LRP1B: variants seen among roughly 807,000 people sequenced by gnomAD.
LRP1B encodes LDL receptor related protein 1B.
In LRP1B, 217 loss-of-function variants were observed where a neutral mutation model predicts 556.6. The observed-to-expected ratio is 0.39, with a 90% CI of 0.35 to 0.44. The LOEUF (loss-of-function observed/expected upper bound fraction) is 0.44, where lower values mean the gene tolerates loss of function less well. Among genes scored for constraint, LRP1B ranks in the 20% least tolerant of loss-of-function variants. The pLI, the probability that LRP1B is intolerant of heterozygous loss-of-function variation, is 1.00. For synonymous variants in LRP1B, 2,047 were observed against 1,865.8 expected, an observed-to-expected ratio of 1.10 and a Z score of -2.50; for missense variants, 5,053 against 5,620.8, an observed-to-expected ratio of 0.90 and a Z score of 3.23.
intron 18 of LRP1B, among the ~76,000 whole-genome samples, chr2:140,953,280 G>A (rs900667160): frequency 4.6e-5 from 7 of 151,946 alleles, no homozygotes; most frequent in African/African-American, 9.7e-5. Context: ...TAGTAGAGAC[G>A]GTGTTTCACC....
At chr2:140,370,989 T>C (rs1677797214) in intron 70 of LRP1B, 147 bp from the exon 71 acceptor site, 4 of 989,046 alleles carry the variant, frequency 4.0e-6, no homozygotes, top group African/African-American at 3.3e-5. Context: ...CTTCTACAAA[T>C]GAGAATGAGC....
intron 18 of LRP1B, among the ~76,000 whole-genome samples, chr2:140,978,275 T>C (rs967686183): frequency 8.5e-5 from 13 of 152,176 alleles, no homozygotes; most frequent in African/African-American, 3.1e-4. Context: ...TGACCCTCAG[T>C]TGTAGCACCT....
intron 7 of LRP1B, among the ~76,000 whole-genome samples, chr2:141,169,938 A>G (rs1207161487): frequency 6.6e-6 from 1 of 152,050 alleles, no homozygotes; most frequent in Non-Finnish European, 1.5e-5. Flanking sequence ...CAGTTTGTAA[A>G]TATGCCCACA....
At position 141,251,498 on chromosome 2, in the gene LRP1B, T is replaced by C. The variant is rs139143980; in HGVS notation, c.463+3024A>G. ...GTTGTGAGTATTTCTAGTTTTGTTT[T>C]TGTTTTCTTTCAGCATAAAACAAAT... On this transcript the variant is annotated intron_variant, in intron 4 of 90. Transcript: ENST00000389484. 3.7e-3 allele frequency among the ~76,000 whole-genome samples: 566 copies of C among 152,288 alleles called. 3 individuals carry two copies. Among genetic ancestry groups the C allele is most frequent in the Admixed American group, 7.0e-3 (107 of 15,272 alleles).
chr2:140,725,552 G>A (rs1234376537), intron 35 of LRP1B, among the ~76,000 whole-genome samples: 1 of 124,772 alleles, frequency 8.0e-6, no homozygotes, highest in Non-Finnish European at 1.7e-5. Context: ...GGGGGAGGGG[G>A]GAGGGATAGC....
At chr2:140,511,632 C>T (rs1310872396) in intron 51 of LRP1B, among the ~76,000 whole-genome samples, 3 of 152,156 alleles carry the variant, frequency 2.0e-5, no homozygotes, top group African/African-American at 7.2e-5. Context: ...ATAAACATAC[C>T]TGTCCTTGAC....
chr2:140,663,495 G>A (rs994328916), intron 41 of LRP1B, among the ~76,000 whole-genome samples: 2 of 152,152 alleles, frequency 1.3e-5, no homozygotes, highest in African/African-American at 4.8e-5. Context: ...GTATGGAGAC[G>A]GCTTCTGTTC....
chr2:142,116,330 A>G (rs1707275627), intron 1 of LRP1B, among the ~76,000 whole-genome samples: 1 of 152,080 alleles, frequency 6.6e-6, no homozygotes, highest in South Asian at 2.1e-4. Flanking sequence ...CTTTGTGACA[A>G]GAATGCATAA....
At chr2:140,429,673 G>T (rs1685831666) in intron 66 of LRP1B, among the ~76,000 whole-genome samples, 1 of 152,024 alleles carries the variant, frequency 6.6e-6, no homozygotes, top group Non-Finnish European at 1.5e-5. Flanking sequence ...TCCTTCCTAG[G>T]CATGGTTAGT....
chr2:141,596,116 CT>C (rs956209715), intron 2 of LRP1B, among the ~76,000 whole-genome samples: 16 of 151,586 alleles, frequency 1.1e-4, no homozygotes, highest in African/African-American at 3.9e-4. Context: ...CATGGCAAAC[CT>C]TTTGTTTATA....
intron 1 of LRP1B, among the ~76,000 whole-genome samples, chr2:141,929,523 T>C (rs1358083699): frequency 1.3e-5 from 2 of 152,066 alleles, no homozygotes; most frequent in African/African-American, 4.8e-5. Context: ...AGGTATGCAT[T>C]TCCTCAGTCC....
At chr2:141,111,781 T>G (rs1700757694) in intron 7 of LRP1B, among the ~76,000 whole-genome samples, 2 of 152,102 alleles carry the variant, frequency 1.3e-5, no homozygotes, top group Non-Finnish European at 2.9e-5. Context: ...CCGGTAGTGG[T>G]GGCTCACGCC....
chr2:140,512,208 A>C (rs1480728272), intron 51 of LRP1B, among the ~76,000 whole-genome samples: 2 of 152,202 alleles, frequency 1.3e-5, no homozygotes, highest in Non-Finnish European at 2.9e-5. Flanking sequence ...GATGGGTATG[A>C]CTAGATCATT....
chr2:141,798,858 G>A (rs1408957556), intron 2 of LRP1B, among the ~76,000 whole-genome samples: 1 of 152,020 alleles, frequency 6.6e-6, no homozygotes, highest in South Asian at 2.1e-4. Flanking sequence ...GGGTTTTAAG[G>A]AGGTAATTAA....
intron 7 of LRP1B, among the ~76,000 whole-genome samples, chr2:141,152,306 C>A (rs796690692): frequency 3.9e-5 from 6 of 151,964 alleles, no homozygotes; most frequent in African/African-American, 1.4e-4. Context: ...CATTTCGGGA[C>A]AATAACTAGG....
chr2:140,543,781 C>G (rs1316534838), intron 43 of LRP1B, among the ~76,000 whole-genome samples: 1 of 151,848 alleles, frequency 6.6e-6, no homozygotes, highest in Non-Finnish European at 1.5e-5. Context: ...AAACATTTAA[C>G]AGAATCTACA....
chr2:140,369,931 T>C (rs905029499), intron 71 of LRP1B, among the ~76,000 whole-genome samples: 2 of 151,962 alleles, frequency 1.3e-5, no homozygotes, highest in Non-Finnish European at 2.9e-5. Flanking sequence ...GTAAAATCTA[T>C]TGAGAGACTT....
At chr2:141,274,808 CA>C (rs1462170671) in intron 3 of LRP1B, among the ~76,000 whole-genome samples, 34 of 152,220 alleles carry the variant, frequency 2.2e-4, no homozygotes, top group Admixed American at 4.6e-4. Flanking sequence ...ATTTAGAAAG[CA>C]GTTAAGTACT....
intron 52 of LRP1B, among the ~76,000 whole-genome samples, chr2:140,508,508 C>A (rs527766184): frequency 1.1e-4 from 17 of 152,144 alleles, no homozygotes; most frequent in African/African-American, 3.9e-4. Context: ...AAAATATAAT[C>A]AGGCATAATT....
Sources: gnomAD v4.1 joint callset for allele counts (sites outside exome capture counted in the v4.1 genomes callset) on GRCh38, gnomAD v4.1.1 for gene constraint, MANE v1.5 for transcripts, NCBI Gene and HGNC (gene_info 2026-07-23, HGNC 2026-07-21) for gene names.